NOTCH1: variants seen among roughly 807,000 people sequenced by gnomAD.
NOTCH1 encodes the protein neurogenic locus notch homolog protein 1.
A neutral mutation model predicts 254.8 loss-of-function variants in NOTCH1; 37 were observed. The ratio of observed to expected loss-of-function variants is 0.15; its 90% CI spans 0.11 to 0.19. NOTCH1 has a LOEUF of 0.19. Ranked by LOEUF, NOTCH1 falls within the 10% of genes least tolerant of loss-of-function variation. NOTCH1 has a pLI of 1.00. For missense variants in NOTCH1, 2,972 were observed against 3,708.6 expected (o/e 0.80, Z 5.16); for synonymous variants, 1,731 against 1,618.1 (o/e 1.07, Z -1.68).
chr9:136,526,919 G>A (rs1843469456), intron 2 of NOTCH1, among the ~76,000 whole-genome samples: 1 of 152,206 alleles, frequency 6.6e-6, no homozygotes, highest in Non-Finnish European at 1.5e-5. Context: ...TCCCGTGGGG[G>A]AATGCAGGCT....
intron 2 of NOTCH1, among the ~76,000 whole-genome samples, chr9:136,542,281 C>G (rs968969562): frequency 1.3e-5 from 2 of 152,148 alleles, no homozygotes; most frequent in Non-Finnish European, 2.9e-5. Context: ...TCCCAAAGTC[C>G]TCTGCAGGAG....
chr9:136,494,467 G>C lies in NOTCH1; in HGVS notation c.*1604C>G, dbSNP rs1268639744. On this transcript the variant is annotated 3_prime_UTR_variant, in exon 34 of 34. Transcript: ENST00000651671. Reference sequence around the variant, plus strand: ...GATCACCATCAGTATCATTTTTATTGCAAATCAGTTAACAAAAAAGATGAA... The same window carrying C: ...GATCACCATCAGTATCATTTTTATTCCAAATCAGTTAACAAAAAAGATGAA... 1 of 398,868 alleles carries C rather than the reference G, an allele frequency of 2.5e-6. No individual in the cohort carries two copies. The highest frequency in any genetic ancestry group is 4.4e-6 in the Non-Finnish European group (1 of 226,072). 24.7% of individuals were successfully genotyped at this position (398,868 alleles called of 1,614,324 possible).
rs587777957 is a variant in NOTCH1 at position 136,503,008 on chromosome 9, C to T, written c.5167+174G>A. ...TGGCTCCACCGGCAGCTGTGACCGC[C>T]GCAGGTGGGGGCGGAGTGCCATTCA... On this transcript the variant is annotated intron_variant, in intron 27 of 33. Transcript: ENST00000651671. 24 of 938,506 alleles carry T rather than the reference C, an allele frequency of 2.6e-5. No individual in the cohort carries two copies. The highest frequency in any genetic ancestry group is 1.8e-4 in the East Asian group (7 of 38,312). The allele number at this position is 938,506 out of a possible 1,614,324, so 58.1% of individuals were successfully genotyped here.
rs1409851158 is a variant in NOTCH1 at position 136,497,289 on chromosome 9, C to A, written c.6450G>T (p.Lys2150Asn). The A allele has an allele frequency of 1.9e-6, 3 of 1,608,832 alleles. No individual in the cohort carries two copies. The highest frequency in any genetic ancestry group is 2.5e-6 in the Non-Finnish European group (3 of 1,179,826). ...GGACCTTCTTGCCCTGCACGCCGGG[C>A]TTGAGGCTGCCCAGGTAGCCGTTGG... Reference protein sequence around the residue: ...CSPNGYLGSLKPGVQGKKVRK... With the variant: ...CSPNGYLGSLNPGVQGKKVRK... The change falls in exon 34 of 34, where the codon AAG becomes AAT. Residue 2150 changes from lysine to asparagine, a missense_variant. Physicochemically the swap from Lys to Asn is moderately conservative, Grantham distance 94. Coordinates refer to ENST00000651671, the MANE Select transcript of NOTCH1 (RefSeq NM_017617.5).
chr9:136,505,923 C>G (rs947621070), intron 24 of NOTCH1, 42 bp from the exon 25 acceptor site: 9 of 1,490,304 alleles, frequency 6.0e-6, no homozygotes, highest in African/African-American at 5.5e-5. Flanking sequence ...GGTGGGCCAC[C>G]CCCCGCCCCC....
At chr9:136,542,462 G>A (rs1439536101) in intron 2 of NOTCH1, among the ~76,000 whole-genome samples, 6 of 151,238 alleles carry the variant, frequency 4.0e-5, no homozygotes, top group Non-Finnish European at 7.4e-5. Flanking sequence ...CCCAGCTGTC[G>A]GTCTCTGAAT....
intron 2 of NOTCH1, among the ~76,000 whole-genome samples, chr9:136,524,679 C>T (rs1199465694): frequency 7.0e-6 from 1 of 142,626 alleles, no homozygotes; most frequent in African/African-American, 2.6e-5. Context: ...GCTCTGTTGC[C>T]CAGGCTGGAG....
At chr9:136,523,501 C>T (rs547216235) in intron 3 of NOTCH1, among the ~76,000 whole-genome samples, 2 of 152,290 alleles carry the variant, frequency 1.3e-5, no homozygotes, top group African/African-American at 4.8e-5. Flanking sequence ...CCCCTTGTCT[C>T]GCAGAAGCGG....
intron 30 of NOTCH1, 72 bp from the exon 31 acceptor site, chr9:136,500,919 C>T (rs1842985595): frequency 2.0e-6 from 3 of 1,492,494 alleles, no homozygotes; most frequent in South Asian, 1.3e-5. Context: ...AGGGGGGCAG[C>T]AGCCCCAAGC....
chr9:136,511,600 TCA>T (rs1054134630), intron 15 of NOTCH1, among the ~76,000 whole-genome samples: 12 of 152,140 alleles, frequency 7.9e-5, no homozygotes, highest in African/African-American at 2.9e-4. Context: ...AGAGGCGGCC[TCA>T]GTCGGGTGGG....
intron 2 of NOTCH1, among the ~76,000 whole-genome samples, chr9:136,531,204 CTCGGGCTT>C (rs1843553330): frequency 6.6e-6 from 1 of 152,258 alleles, no homozygotes; most frequent in Admixed American, 6.5e-5. Context: ...CTGACCTACA[CTCGGGCTT>C]TCCAAGCTCT....
At chr9:136,509,647 G>T in intron 18 of NOTCH1, 86 bp downstream of exon 18, 1 of 1,248,280 alleles carries the variant, frequency 8.0e-7, no homozygotes, top group Non-Finnish European at 1.2e-6. Flanking sequence ...CTAGGCGGAC[G>T]CCTGCATGGT....
chr9:136,533,561 C>T (rs1376497559), intron 2 of NOTCH1, among the ~76,000 whole-genome samples: 6 of 152,192 alleles, frequency 3.9e-5, no homozygotes, highest in African/African-American at 1.4e-4. Context: ...ACTCGACGGC[C>T]CGGCAAGCCC....
At chr9:136,502,777 T>A (rs544726499) in intron 27 of NOTCH1, 1 of 570,580 alleles carries the variant, frequency 1.8e-6, no homozygotes, top group Admixed American at 3.0e-5. Flanking sequence ...CGCACTGAGC[T>A]GTTAAGACAA....
At chr9:136,535,119 G>A (rs1414211769) in intron 2 of NOTCH1, among the ~76,000 whole-genome samples, 1 of 133,174 alleles carries the variant, frequency 7.5e-6, no homozygotes, top group Non-Finnish European at 1.6e-5. Flanking sequence ...ACAGACCTGA[G>A]GGAACCGCTG....
In NOTCH1 at chr9:136,509,143, C is replaced by T. The variant is rs1022982112; in HGVS notation, c.2970-72G>A. The T allele has an allele frequency of 5.7e-5, 79 of 1,377,834 alleles. No individual in the cohort carries two copies. The African/African-American group carries it at 5.9e-4, about 10-fold the overall frequency. 85.4% of individuals were successfully genotyped at this position (1,377,834 alleles called of 1,614,324 possible). On this transcript the variant is annotated intron_variant, in intron 18 of 33. Coordinates refer to ENST00000651671, the MANE Select transcript of NOTCH1 (RefSeq NM_017617.5). ...GTCCCCGCTCCAGCAGATTCTGCCT[C>T]GCCAGCACCTCCCCTTCTGCTCAAC...
At chr9:136,522,001 G>T (rs1272033344) in intron 4 of NOTCH1, among the ~76,000 whole-genome samples, 2 of 145,336 alleles carry the variant, frequency 1.4e-5, no homozygotes, top group Non-Finnish European at 3.0e-5. Context: ...TTTTTGAGAC[G>T]GAGTCTCGCT....
rs750010764 is a variant in NOTCH1, at chr9:136,505,568, G to A, written c.4328C>T (p.Pro1443Leu). The A allele has an allele frequency of 2.3e-5, 37 of 1,610,520 alleles. No individual in the cohort carries two copies. The highest frequency in any genetic ancestry group is 6.7e-5 in the African/African-American group (5 of 74,896). Residue 1443 changes from proline to leucine, a missense_variant, in exon 25 of 34, where the codon CCG becomes CTG. Pro to Leu is a moderately conservative substitution (Grantham distance 98, BLOSUM62 -3). Coordinates refer to ENST00000651671, the MANE Select transcript of NOTCH1 (RefSeq NM_017617.5). ...CAGCTCGCACGCCTCCTCGATCAGC[G>A]GCGGGGGGATGTCGCGCCCGGCCCC... ...GGGAGRDIPP[P>L]LIEEACELPE...
intron 18 of NOTCH1, 43 bp from the exon 19 acceptor site, chr9:136,509,114 G>A (rs1424095886): frequency 1.3e-6 from 2 of 1,508,610 alleles, no homozygotes; most frequent in South Asian, 2.4e-5. Context: ...GAGGGCATTG[G>A]TGGGTCCCCG....
Sources: allele counts gnomAD v4.1 joint callset (sites outside exome capture counted in the v4.1 genomes callset), GRCh38; gene constraint gnomAD v4.1.1; transcripts MANE v1.5; gene names NCBI Gene and HGNC (gene_info 2026-07-23, HGNC 2026-07-21).